MNS1: variants seen among roughly 807,000 people sequenced by gnomAD.
The protein encoded by MNS1 is meiosis-specific nuclear structural protein 1.
Under a neutral mutation model 72.0 loss-of-function variants are expected in MNS1, and 63 were observed. The observed-to-expected ratio is 0.87, with a 90% CI of 0.71 to 1.08. MNS1 has a LOEUF of 1.08. Among genes scored for constraint, MNS1 ranks in the 50% least tolerant of loss-of-function variants. The pLI is 0.00. For missense variants in MNS1, 604 were observed against 562.4 expected (o/e 1.07, Z -0.75); for synonymous variants, 188 against 172.1 (o/e 1.09, Z -0.72).
chr15:56,433,419 A>AAATAC (rs2050653124), intron 8 of MNS1, among the ~76,000 whole-genome samples: 1 of 151,452 alleles, frequency 6.6e-6, no homozygotes, highest in Non-Finnish European at 1.5e-5. Flanking sequence ...CTGGAACTTA[A>AAATAC]AAATATTAAA....
intron 5 of MNS1, among the ~76,000 whole-genome samples, 178 bp from the exon 6 acceptor site, chr15:56,444,032 G>A (rs1447033426): frequency 6.6e-6 from 1 of 151,912 alleles, no homozygotes; most frequent in East Asian, 1.9e-4. Context: ...TTTTCTTTGG[G>A]TAGAATACTG....
chr15:56,450,502 A>G (rs371218950), intron 3 of MNS1, among the ~76,000 whole-genome samples: 2 of 152,228 alleles, frequency 1.3e-5, no homozygotes, highest in Admixed American at 1.3e-4. Flanking sequence ...AAGTGGAATT[A>G]TACAAGGAAT....
Position 56,444,691 on chromosome 15 carries a change from T to C in MNS1, c.457-18A>G, listed in dbSNP as rs372819169. ...TCACGTTTCTGTTATTAAAACAAAA[T>C]TGATCTTTCCGTTTTCAAATTTGAA... On this transcript the variant is annotated intron_variant, in intron 4 of 9. Transcript: ENST00000260453. 23 of 1,592,352 alleles carry C rather than the reference T, an allele frequency of 1.4e-5. No homozygotes were observed. The highest frequency in any genetic ancestry group is 1.7e-5 in the Admixed American group (1 of 58,854).
chr15:56,458,884 C>T (rs1376955011), intron 2 of MNS1, among the ~76,000 whole-genome samples: 1 of 152,142 alleles, frequency 6.6e-6, no homozygotes, highest in African/African-American at 2.4e-5. Flanking sequence ...TAAATTTTGA[C>T]ATTTATAAAT....
At position 56,460,009 on chromosome 15, in the gene MNS1, A is replaced by AAAAAAAAAAAAT; in HGVS notation, c.226-3489_226-3488insATTTTTTTTTTT. ...CTGTCTCAAAAAAAAAAAAAAAAAAAATACATATATATATATATATATATA... is the reference window on the plus strand; with the variant it reads ...CTGTCTCAAAAAAAAAAAAAAAAAAAAAAAAAAAAAATATACATATATATATATATATATATA... On this transcript the variant is annotated intron_variant, in intron 2 of 9. Coordinates refer to ENST00000260453, the MANE Select transcript of MNS1 (RefSeq NM_018365.4). Among the ~76,000 whole-genome samples the AAAAAAAAAAAAT allele has an allele frequency of 9.3e-3, 245 of 26,370 alleles. 58 individuals are homozygous for AAAAAAAAAAAAT. The highest frequency in any genetic ancestry group is 0.026 in the African/African-American group (175 of 6,648). 17.3% of individuals were successfully genotyped at this position (26,370 alleles called of 152,430 possible).
chr15:56,464,302 A>T, intron 1 of MNS1, 55 bp from the exon 2 acceptor site: 1 of 1,283,620 alleles, frequency 7.8e-7, no homozygotes, highest in Non-Finnish European at 1.1e-6. Flanking sequence ...ATCTAATTTT[A>T]AAAAATGTAT....
chr15:56,430,847 T>C (rs1319077510), intron 9 of MNS1, among the ~76,000 whole-genome samples: 1 of 152,164 alleles, frequency 6.6e-6, no homozygotes, highest in South Asian at 2.1e-4. Context: ...TTAGATTTCC[T>C]ACACTAAAAG....
chr15:56,431,148 A>G (rs1240860590), intron 9 of MNS1, among the ~76,000 whole-genome samples: 1 of 152,128 alleles, frequency 6.6e-6, no homozygotes, highest in East Asian at 1.9e-4. Context: ...ATAAGGTACA[A>G]ATTCAGTAAA....
chr15:56,439,645 A>G (rs2050785258), intron 7 of MNS1, among the ~76,000 whole-genome samples: 3 of 152,076 alleles, frequency 2.0e-5, no homozygotes, highest in Non-Finnish European at 4.4e-5. Context: ...AATGGTGTGG[A>G]ACAACTGAAC....
intron 4 of MNS1, among the ~76,000 whole-genome samples, 180 bp from the exon 5 acceptor site, chr15:56,444,853 G>C (rs2050880628): frequency 6.6e-6 from 1 of 151,980 alleles, no homozygotes; most frequent in Non-Finnish European, 1.5e-5. Flanking sequence ...CAATAAGTCA[G>C]ACCCTAAAGC....
intron 3 of MNS1, among the ~76,000 whole-genome samples, chr15:56,452,811 C>T (rs1162343294): frequency 6.6e-6 from 1 of 152,140 alleles, no homozygotes; most frequent in Non-Finnish European, 1.5e-5. Flanking sequence ...AGCCACCGCA[C>T]CCGGCCTAAT....
chr15:56,431,628 C>T, intron 8 of MNS1, 130 bp from the exon 9 acceptor site: 1 of 673,978 alleles, frequency 1.5e-6, no homozygotes, highest in Non-Finnish European at 2.3e-6. Context: ...TCAAAAGATT[C>T]TAGATAATAT....
At chr15:56,459,963 C>A (rs1418873407) in intron 2 of MNS1, among the ~76,000 whole-genome samples, 3 of 107,292 alleles carry the variant, frequency 2.8e-5, no homozygotes, top group African/African-American at 7.4e-5. Context: ...GCACTCCAGC[C>A]TGGGCAACAA....
At chr15:56,433,988 G>A in intron 8 of MNS1, 150 bp downstream of exon 8, 1 of 819,614 alleles carries the variant, frequency 1.2e-6, no homozygotes, top group Non-Finnish European at 1.7e-6. Flanking sequence ...TTTTCTAGAA[G>A]CAAAAATGGT....
At position 56,445,895 on chromosome 15, in the gene MNS1, C is replaced by T. The variant is rs144010118; in HGVS notation, c.456+946G>A. ...CTGGACAAACAGGACATTGTTTGTG[C>T]TACTTTCTTTTTCAAAGGACAGCGC... On this transcript the variant is annotated intron_variant, in intron 4 of 9. Coordinates refer to ENST00000260453, the MANE Select transcript of MNS1 (RefSeq NM_018365.4). The T allele has an allele frequency of 3.3e-5, 5 of 152,120 alleles. No individual in the cohort carries two copies. In the East Asian group the frequency reaches 9.6e-4, roughly 29 times the overall value. The allele number at this position is 152,120 out of a possible 1,614,324, so 9.4% of individuals were successfully genotyped here. A position where few individuals can be genotyped will look rare whatever the true frequency, so the allele number is the denominator to read the frequency against.
chr15:56,441,932 A>C (rs1223668857), intron 7 of MNS1, among the ~76,000 whole-genome samples: 1 of 152,130 alleles, frequency 6.6e-6, no homozygotes, highest in Non-Finnish European at 1.5e-5. Context: ...AGGCAGGAGA[A>C]TGGCGTGAAC....
chr15:56,448,582 TG>T (rs2050924709), intron 3 of MNS1, among the ~76,000 whole-genome samples: 1 of 152,192 alleles, frequency 6.6e-6, no homozygotes, highest in Non-Finnish European at 1.5e-5. Context: ...TTTTTATGTC[TG>T]TAGAGTATTC....
At chr15:56,463,924 G>A in intron 2 of MNS1, 102 bp downstream of exon 2, 1 of 925,548 alleles carries the variant, frequency 1.1e-6, no homozygotes, top group South Asian at 1.6e-5. Context: ...TCACTTACCT[G>A]CTGCTGTTGT....
intron 7 of MNS1, among the ~76,000 whole-genome samples, chr15:56,441,697 G>A (rs1015625958): frequency 2.6e-4 from 39 of 152,046 alleles, no homozygotes; most frequent in African/African-American, 9.2e-4. Flanking sequence ...TCTAAGGAAC[G>A]TAAACAAATT....
Sources: gnomAD v4.1 joint callset for allele counts (sites outside exome capture counted in the v4.1 genomes callset) on GRCh38, gnomAD v4.1.1 for gene constraint, MANE v1.5 for transcripts, NCBI Gene and HGNC (gene_info 2026-07-23, HGNC 2026-07-21) for gene names.